Variants in RPH3A observed in about 807,000 individuals in gnomAD.
RPH3A encodes rabphilin-3A.
In RPH3A, 48 loss-of-function variants were observed where a neutral mutation model predicts 102.2. The ratio of observed to expected loss-of-function variants is 0.47; its 90% CI spans 0.37 to 0.60. The LOEUF is 0.60. RPH3A is among the 20% of genes least tolerant of loss of function. The pLI, the probability that RPH3A is intolerant of heterozygous loss-of-function variation, is 0.00. For missense variants in RPH3A, 781 were observed against 910.1 expected, an observed-to-expected ratio of 0.86 and a Z score of 1.83; for synonymous variants, 310 against 324.3, an observed-to-expected ratio of 0.96 and a Z score of 0.47.
At chr12:112,753,023 A>T (rs2040796004) in intron 1 of RPH3A, among the ~76,000 whole-genome samples, 1 of 143,230 alleles carries the variant, frequency 7.0e-6, no homozygotes, top group African/African-American at 2.6e-5. Flanking sequence ...ATCCTTGTAC[A>T]TCTATCTTTG....
chr12:112,896,851 G>T lies in RPH3A; in HGVS notation c.*71G>T. 6.4e-7 allele frequency: 1 copy of T among 1,571,658 alleles called. No individual in the cohort carries two copies. The highest frequency in any genetic ancestry group is 8.7e-7 in the Non-Finnish European group (1 of 1,149,262). On this transcript the variant is annotated 3_prime_UTR_variant, in exon 22 of 22. Transcript: ENST00000389385. ...CTGCTCTAGCTGCCCACCGCACCCT[G>T]ATCTCTCTTCTCTATGCCTACCTCC...
At chr12:112,598,738 T>TAGC (rs560942126) in intron 1 of RPH3A, among the ~76,000 whole-genome samples, 6 of 152,062 alleles carry the variant, frequency 3.9e-5, no homozygotes, top group East Asian at 1.9e-4. Context: ...AAGTTACCAA[T>TAGC]AGCAGCAGCA....
At chr12:112,879,979 G>A (rs993243299) in intron 14 of RPH3A, among the ~76,000 whole-genome samples, 10 of 152,166 alleles carry the variant, frequency 6.6e-5, no homozygotes, top group South Asian at 2.1e-4. Flanking sequence ...ATAGTTGTGC[G>A]CACATGTTCC....
intron 1 of RPH3A, among the ~76,000 whole-genome samples, chr12:112,611,029 G>A (rs2039635788): frequency 1.3e-5 from 2 of 152,178 alleles, no homozygotes; most frequent in African/African-American, 4.8e-5. Flanking sequence ...TCGTCATCTT[G>A]TTCATGGCTG....
intron 1 of RPH3A, among the ~76,000 whole-genome samples, chr12:112,632,765 C>A (rs2039815684): frequency 6.6e-6 from 1 of 152,138 alleles, no homozygotes; most frequent in African/African-American, 2.4e-5. Context: ...CAGTGGACAG[C>A]CCCCTCTAAG....
chr12:112,812,375 T>C (rs1436840879), intron 2 of RPH3A, among the ~76,000 whole-genome samples: 2 of 152,234 alleles, frequency 1.3e-5, no homozygotes, highest in African/African-American at 4.8e-5. Flanking sequence ...TGGAGGATTA[T>C]TTCTTGAACC....
intron 18 of RPH3A, 102 bp downstream of exon 18, chr12:112,890,182 C>T: frequency 9.9e-7 from 1 of 1,014,664 alleles, no homozygotes; most frequent in Non-Finnish European, 1.5e-6. Flanking sequence ...CATCCATTCT[C>T]TTCCAACCAC....
At chr12:112,719,504 C>T (rs550621796) in intron 1 of RPH3A, among the ~76,000 whole-genome samples, 2 of 152,306 alleles carry the variant, frequency 1.3e-5, no homozygotes, top group Admixed American at 6.5e-5. Context: ...CCAATAATAG[C>T]GTGCATTGTG....
chr12:112,753,917 G>A (rs1352367036), intron 1 of RPH3A, among the ~76,000 whole-genome samples: 1 of 152,182 alleles, frequency 6.6e-6, no homozygotes, highest in Non-Finnish European at 1.5e-5. Flanking sequence ...CTTTATACAG[G>A]AGAGGCAGGA....
At chr12:112,743,680 T>A (rs73196577) in intron 1 of RPH3A, among the ~76,000 whole-genome samples, 1 of 149,968 alleles carries the variant, frequency 6.7e-6, no homozygotes, top group Non-Finnish European at 1.5e-5. Context: ...GAGTTTAGGG[T>A]TTTTTTTTCC....
At chr12:112,704,255 A>G (rs866943736) in intron 1 of RPH3A, among the ~76,000 whole-genome samples, 1 of 151,968 alleles carries the variant, frequency 6.6e-6, no homozygotes, top group East Asian at 1.9e-4. Context: ...CACCTGGATA[A>G]TTTTTGTATT....
intron 10 of RPH3A, 58 bp downstream of exon 10, chr12:112,870,097 T>G (rs1022648698): frequency 1.3e-6 from 2 of 1,509,666 alleles, no homozygotes; most frequent in Admixed American, 4.3e-5. Flanking sequence ...TCAAAAAGAA[T>G]GAGGGGAACT....
chr12:112,607,702 C>T (rs904197130), intron 1 of RPH3A, among the ~76,000 whole-genome samples: 16 of 152,164 alleles, frequency 1.1e-4, no homozygotes, highest in African/African-American at 4.8e-5. Flanking sequence ...GATAAATAAA[C>T]GATTTCTTGA....
At chr12:112,610,780 T>C (rs1394495601) in intron 1 of RPH3A, among the ~76,000 whole-genome samples, 1 of 151,858 alleles carries the variant, frequency 6.6e-6, no homozygotes, top group Non-Finnish European at 1.5e-5. Flanking sequence ...TACAGGCGCC[T>C]GCCGCCACGC....
At position 112,883,420 on chromosome 12, in the gene RPH3A, G is replaced by T; in HGVS notation, c.1436+18G>T. 6.3e-7 allele frequency: 1 copy of T among 1,594,864 alleles called. No homozygotes were observed. Among genetic ancestry groups the T allele is most frequent in the Non-Finnish European group, 8.6e-7 (1 of 1,163,448 alleles). ...ACCCTCAGGTACCTGGCAGGCAGAG[G>T]GCAGAGAGGGAGGCAAAGGGGAGAC... On this transcript the variant is annotated intron_variant, in intron 16 of 21. Transcript: ENST00000389385.
At chr12:112,845,238 G>T (rs370300080) in intron 4 of RPH3A, among the ~76,000 whole-genome samples, 87 of 152,084 alleles carry the variant, frequency 5.7e-4, no homozygotes, top group African/African-American at 2.0e-3. Context: ...TTTCCCTCTA[G>T]CATGCTGCCT....
At chr12:112,840,875 C>T (rs554997281) in intron 4 of RPH3A, among the ~76,000 whole-genome samples, 23 of 152,086 alleles carry the variant, frequency 1.5e-4, no homozygotes, top group African/African-American at 4.8e-4. Flanking sequence ...GATTAGCCAG[C>T]GGTAGACAGG....
chr12:112,664,230 G>C (rs1206285794), intron 1 of RPH3A, among the ~76,000 whole-genome samples: 1 of 152,196 alleles, frequency 6.6e-6, no homozygotes, highest in Non-Finnish European at 1.5e-5. Context: ...TTGGAGGCAA[G>C]AAAGGGTGAA....
At chr12:112,717,079 A>G (rs1004595767) in intron 1 of RPH3A, among the ~76,000 whole-genome samples, 2 of 152,324 alleles carry the variant, frequency 1.3e-5, no homozygotes, top group South Asian at 4.1e-4. Context: ...CCCATTTTCC[A>G]GATGAGGCTC....
Sources: allele counts gnomAD v4.1 joint callset (sites outside exome capture counted in the v4.1 genomes callset), GRCh38; gene constraint gnomAD v4.1.1; transcripts MANE v1.5; gene names NCBI Gene and HGNC (gene_info 2026-07-23, HGNC 2026-07-21).